METTL15: variants seen among roughly 807,000 people sequenced by gnomAD.
METTL15 encodes methyltransferase 15, mitochondrial 12S rRNA N4-cytidine.
METTL15 carries 34 observed loss-of-function variants against 38.3 expected under a neutral mutation model. That is an observed-to-expected ratio of 0.89 (90% CI 0.68 to 1.18). The LOEUF (loss-of-function observed/expected upper bound fraction) is 1.18, where lower values mean the gene tolerates loss of function less well. Among genes scored for constraint, METTL15 ranks in the 50% most tolerant of loss-of-function variants. METTL15 has a pLI of 0.00. For synonymous variants in METTL15, 162 were observed against 170.9 expected, an observed-to-expected ratio of 0.95 and a Z score of 0.41; for missense variants, 438 against 498.4, an observed-to-expected ratio of 0.88 and a Z score of 1.15.
intron 6 of METTL15, among the ~76,000 whole-genome samples, chr11:28,499,688 A>C (rs999472105): frequency 4.1e-5 from 6 of 147,338 alleles, no homozygotes; most frequent in African/African-American, 1.5e-4. Context: ...ATGGCCTCTC[A>C]GTCTGGAGAA....
At chr11:28,297,029 A>G (rs1565234047) in intron 6 of METTL15, 98 bp downstream of exon 6, 4 of 1,256,344 alleles carry the variant, frequency 3.2e-6, no homozygotes. Flanking sequence ...GTGTGTGTGC[A>G]TTAATCCCCC....
rs188285825 is a variant in METTL15 at position 28,331,030 on chromosome 11, C to G, written c.*189C>G. The G allele has an allele frequency of 1.8e-5, 8 of 456,988 alleles. No individual in the cohort carries two copies. Among genetic ancestry groups the G allele is most frequent in the Non-Finnish European group, 3.0e-5 (8 of 262,440 alleles). The allele number at this position is 456,988 out of a possible 1,614,324, so 28.3% of individuals were successfully genotyped here. A position where few individuals can be genotyped will look rare whatever the true frequency, so the allele number is the denominator to read the frequency against. On this transcript the variant is annotated 3_prime_UTR_variant, in exon 7 of 7. Transcript: ENST00000407364. ...GACAGAGAAAGTTACACTCAGGGAG[C>G]AGCAGCACCTCCAGACTGGAAAAAT...
At chr11:28,111,605 A>G (rs1014531908) in intron 2 of METTL15, among the ~76,000 whole-genome samples, 2 of 152,168 alleles carry the variant, frequency 1.3e-5, no homozygotes, top group Non-Finnish European at 2.9e-5. Context: ...TAGCATGGAG[A>G]TTGAGTTCAG....
chr11:28,204,692 A>G (rs1852250116), intron 3 of METTL15, among the ~76,000 whole-genome samples: 1 of 151,918 alleles, frequency 6.6e-6, no homozygotes, highest in Non-Finnish European at 1.5e-5. Context: ...AGTTTGTAAA[A>G]TGTGTATATA....
intron 6 of METTL15, among the ~76,000 whole-genome samples, chr11:28,438,789 C>T (rs1374539325): frequency 6.6e-6 from 1 of 151,374 alleles, no homozygotes; most frequent in Non-Finnish European, 1.5e-5. Flanking sequence ...ATTCTCCTGC[C>T]TCAGCCTCCT....
At chr11:28,366,449 T>G (rs1030438175) in intron 5 of METTL15, among the ~76,000 whole-genome samples, 1 of 151,802 alleles carries the variant, frequency 6.6e-6, no homozygotes, top group Non-Finnish European at 1.5e-5. Flanking sequence ...GAGCAATGAG[T>G]AGAAACTATA....
intron 4 of METTL15, among the ~76,000 whole-genome samples, chr11:28,237,946 CTGAT>C (rs1854086136): frequency 6.6e-6 from 1 of 152,180 alleles, no homozygotes; most frequent in Non-Finnish European, 1.5e-5. Context: ...ATGCTGCTGT[CTGAT>C]CATTCCTCTG....
chr11:28,137,667 C>T (rs910846959), intron 3 of METTL15, among the ~76,000 whole-genome samples: 1 of 152,144 alleles, frequency 6.6e-6, no homozygotes, highest in Non-Finnish European at 1.5e-5. Context: ...AGTATCTGAC[C>T]AGCATAATTC....
intron 4 of METTL15, among the ~76,000 whole-genome samples, chr11:28,279,194 T>C (rs556922742): frequency 1.3e-5 from 2 of 152,198 alleles, no homozygotes; most frequent in Non-Finnish European, 2.9e-5. Flanking sequence ...CCTGGTGAAT[T>C]GTATTTTGAT....
chr11:28,378,049 C>T (rs1590351797), intron 5 of METTL15, among the ~76,000 whole-genome samples: 1 of 152,092 alleles, frequency 6.6e-6, no homozygotes, highest in East Asian at 1.9e-4. Context: ...AGAACCACTG[C>T]TCTCTTCAAA....
chr11:28,492,982 C>A (rs1297224646), intron 6 of METTL15, among the ~76,000 whole-genome samples: 1 of 152,058 alleles, frequency 6.6e-6, no homozygotes, highest in African/African-American at 2.4e-5. Context: ...CCATAAGGGT[C>A]CCTTGTCAAC....
At chr11:28,506,695 T>C (rs1453256467) in intron 6 of METTL15, among the ~76,000 whole-genome samples, 1 of 151,694 alleles carries the variant, frequency 6.6e-6, no homozygotes, top group Non-Finnish European at 1.5e-5. Flanking sequence ...GTCAAAATCA[T>C]GGAGTTTATT....
At chr11:28,480,196 A>G (rs1336446383) in intron 6 of METTL15, among the ~76,000 whole-genome samples, 2 of 152,162 alleles carry the variant, frequency 1.3e-5, no homozygotes, top group African/African-American at 4.8e-5. Context: ...TCTTCATCAT[A>G]TTCTTAAGTA....
intron 5 of METTL15, among the ~76,000 whole-genome samples, chr11:28,380,050 A>G (rs770995833): frequency 6.6e-6 from 1 of 151,884 alleles, no homozygotes; most frequent in Non-Finnish European, 1.5e-5. Context: ...GTTTATTTCC[A>G]TAGAATATTT....
At chr11:28,325,876 A>G (rs941841340) in intron 6 of METTL15, among the ~76,000 whole-genome samples, 5 of 152,202 alleles carry the variant, frequency 3.3e-5, no homozygotes, top group Non-Finnish European at 7.3e-5. Flanking sequence ...AAATAAGTAA[A>G]CAAGTAATTA....
At chr11:28,254,781 A>T (rs1295059598) in intron 4 of METTL15, among the ~76,000 whole-genome samples, 1 of 152,128 alleles carries the variant, frequency 6.6e-6, no homozygotes, top group Non-Finnish European at 1.5e-5. Flanking sequence ...AAATGAATTC[A>T]CTGTTGATGT....
intron 3 of METTL15, among the ~76,000 whole-genome samples, chr11:28,137,186 T>G (rs1390985863): frequency 6.6e-6 from 1 of 152,220 alleles, no homozygotes; most frequent in African/African-American, 2.4e-5. Context: ...ATGCGCAATT[T>G]ATGGAAAGAC....
chr11:28,136,866 C>T (rs1849530618), intron 3 of METTL15, among the ~76,000 whole-genome samples: 1 of 151,298 alleles, frequency 6.6e-6, no homozygotes, highest in Non-Finnish European at 1.5e-5. Context: ...GAATAGAATT[C>T]CAGATTACCG....
intron 4 of METTL15, among the ~76,000 whole-genome samples, chr11:28,288,632 G>A (rs1430141100): frequency 6.6e-6 from 1 of 152,044 alleles, no homozygotes; most frequent in African/African-American, 2.4e-5. Flanking sequence ...TGGACACATA[G>A]AGGGGAACAA....
Sources: allele counts gnomAD v4.1 joint callset (sites outside exome capture counted in the v4.1 genomes callset), GRCh38; gene constraint gnomAD v4.1.1; transcripts MANE v1.5; gene names NCBI Gene and HGNC (gene_info 2026-07-23, HGNC 2026-07-21).